Variants in C12orf42 observed in about 807,000 individuals in gnomAD.
The protein encoded by C12orf42 is chromosome 12 open reading frame 42, also known as uncharacterized protein C12orf42.
In C12orf42, 25 loss-of-function variants were observed where a neutral mutation model predicts 21.6. That is an observed-to-expected ratio of 1.16 (90% CI 0.84 to 1.62). The LOEUF (loss-of-function observed/expected upper bound fraction) is 1.62, where lower values mean the gene tolerates loss of function less well. Ranked by LOEUF, C12orf42 falls within the 40% of genes most tolerant of loss-of-function variation. The pLI, the probability that C12orf42 is intolerant of heterozygous loss-of-function variation, is 0.00. For synonymous variants in C12orf42, 174 were observed against 175.0 expected, an observed-to-expected ratio of 0.99 and a Z score of 0.05; for missense variants, 483 against 459.3, an observed-to-expected ratio of 1.05 and a Z score of -0.47.
At chr12:103,230,573 C>G in the C12orf42 span, among the ~76,000 whole-genome samples, 1 of 152,168 alleles carries the variant, frequency 6.6e-6, no homozygotes, top group African/African-American at 2.4e-5. Flanking sequence ...TAACATGTGT[C>G]CATCACAGAG....
chr12:103,246,794 A>G (rs1315289100), intron 10 of C12orf42, among the ~76,000 whole-genome samples: 4 of 151,758 alleles, frequency 2.6e-5, no homozygotes, highest in Admixed American at 2.6e-4. Context: ...TAAAATGACC[A>G]TGGACTATGT....
At chr12:103,158,063 A>G in the C12orf42 span, among the ~76,000 whole-genome samples, 2 of 152,244 alleles carry the variant, frequency 1.3e-5, no homozygotes, top group East Asian at 3.8e-4. Flanking sequence ...ACAATAAAAA[A>G]GTATTTTCAT....
chr12:103,540,062 T>C, the C12orf42 span, among the ~76,000 whole-genome samples: 3 of 151,484 alleles, frequency 2.0e-5, no homozygotes, highest in Admixed American at 2.0e-4. Flanking sequence ...CAGGCTGCAG[T>C]GCAGTGGAGC....
At chr12:103,448,259 G>A (rs1183505503) in intron 2 of C12orf42, among the ~76,000 whole-genome samples, 1 of 151,972 alleles carries the variant, frequency 6.6e-6, no homozygotes, top group Non-Finnish European at 1.5e-5. Context: ...AATGAAACTG[G>A]ATCCCCACCT....
the C12orf42 span, among the ~76,000 whole-genome samples, chr12:103,121,997 C>G: frequency 1.2e-4 from 18 of 152,126 alleles, no homozygotes; most frequent in Non-Finnish European, 2.2e-4. Context: ...TAGCCCTTGT[C>G]TCTGCTCAAG....
chr12:103,562,682 A>C, the C12orf42 span, among the ~76,000 whole-genome samples: 9 of 152,198 alleles, frequency 5.9e-5, no homozygotes, highest in African/African-American at 2.2e-4. Context: ...TGTTTGTTTC[A>C]GGAACTTTCT....
At chr12:103,277,322 G>C (rs1240151662) in intron 4 of C12orf42, 1 of 264,018 alleles carries the variant, frequency 3.8e-6, no homozygotes, top group Non-Finnish European at 7.4e-6. Context: ...TTAATGAAAA[G>C]TAACTATATT....
the C12orf42 span, among the ~76,000 whole-genome samples, chr12:103,525,221 A>G: frequency 6.6e-6 from 1 of 152,024 alleles, no homozygotes; most frequent in Non-Finnish European, 1.5e-5. Context: ...GGCGGGGGGA[A>G]GTCTCACTAT....
At chr12:103,290,734 G>A (rs2036752650) in intron 4 of C12orf42, among the ~76,000 whole-genome samples, 1 of 152,156 alleles carries the variant, frequency 6.6e-6, no homozygotes, top group South Asian at 2.1e-4. Flanking sequence ...GGCTAAGTAA[G>A]AAAATGTGGT....
chr12:103,491,393 A>G (rs1191907398), intron 1 of C12orf42, among the ~76,000 whole-genome samples: 1 of 152,208 alleles, frequency 6.6e-6, no homozygotes, highest in Non-Finnish European at 1.5e-5. Context: ...ATTTTCTTGG[A>G]ATTGTAGATG....
At chr12:103,051,420 A>G in the C12orf42 span, among the ~76,000 whole-genome samples, 2 of 152,156 alleles carry the variant, frequency 1.3e-5, no homozygotes, top group Non-Finnish European at 2.9e-5. Context: ...GAGGCCCTGG[A>G]GAGATTATCT....
intron 4 of C12orf42, among the ~76,000 whole-genome samples, chr12:103,278,115 G>A (rs550066160): frequency 6.6e-6 from 1 of 152,228 alleles, no homozygotes; most frequent in East Asian, 1.9e-4. Flanking sequence ...GGATGGTAGG[G>A]AAGGAACTTA....
chr12:103,337,267 A>G (rs1469230050), intron 4 of C12orf42, among the ~76,000 whole-genome samples: 2 of 152,240 alleles, frequency 1.3e-5, no homozygotes, highest in Non-Finnish European at 1.5e-5. Context: ...CTGGTGGCTT[A>G]TAAGTCCCAC....
intron 2 of C12orf42, among the ~76,000 whole-genome samples, chr12:103,433,709 C>T (rs1950437419): frequency 6.6e-6 from 1 of 152,132 alleles, no homozygotes; most frequent in African/African-American, 2.4e-5. Context: ...GAACTTAAGA[C>T]ACATAACAAT....
chr12:103,499,156 G>A (rs1593044935), upstream of C12orf42, among the ~76,000 whole-genome samples: 1 of 152,132 alleles, frequency 6.6e-6, no homozygotes, highest in South Asian at 2.1e-4. Flanking sequence ...TAAACCTTCA[G>A]TTACAAGATC....
In C12orf42 at chr12:103,372,569, A is replaced by G. The variant is rs139945981; in HGVS notation, c.148-3571T>C. On this transcript the variant is annotated intron_variant, in intron 3 of 5. Transcript: ENST00000548883. ...GCCTCACCCTAAAACCTGCTGGATCAGGATCTGAATTTTAACAAATCCCCA... is the reference window on the plus strand; with the variant it reads ...GCCTCACCCTAAAACCTGCTGGATCGGGATCTGAATTTTAACAAATCCCCA... Among the ~76,000 whole-genome samples, 690 of 152,258 alleles carry G rather than the reference A, an allele frequency of 4.5e-3. 6 individuals are homozygous for G. The highest frequency in any genetic ancestry group is 0.01 in the Middle Eastern group (3 of 294).
chr12:103,392,736 T>G (rs1286240771), intron 3 of C12orf42, among the ~76,000 whole-genome samples: 3 of 152,232 alleles, frequency 2.0e-5, no homozygotes, highest in Non-Finnish European at 4.4e-5. Flanking sequence ...GAAACAAATC[T>G]GTAAAGTAGC....
intron 3 of C12orf42, among the ~76,000 whole-genome samples, chr12:103,380,636 CAT>C (rs1159457383): frequency 7.9e-5 from 12 of 152,098 alleles, no homozygotes; most frequent in African/African-American, 2.7e-4. Flanking sequence ...TTCTCCAAAC[CAT>C]AAAGAAGCAA....
intron 2 of C12orf42, among the ~76,000 whole-genome samples, chr12:103,411,397 T>C (rs1248424218): frequency 2.0e-5 from 3 of 152,190 alleles, no homozygotes; most frequent in Admixed American, 1.3e-4. Context: ...TATAATGTTG[T>C]CAGATACAAT....
Sources: gnomAD v4.1 joint callset for allele counts (sites outside exome capture counted in the v4.1 genomes callset) on GRCh38, gnomAD v4.1.1 for gene constraint, MANE v1.5 for transcripts, NCBI Gene and HGNC (gene_info 2026-07-23, HGNC 2026-07-21) for gene names.